EHD4: variants seen among roughly 807,000 people sequenced by gnomAD.
The protein encoded by EHD4 is EH domain containing 4.
EHD4 carries 37 observed loss-of-function variants against 51.0 expected under a neutral mutation model. The ratio of observed to expected loss-of-function variants is 0.73; its 90% CI spans 0.56 to 0.95. The LOEUF (loss-of-function observed/expected upper bound fraction) is 0.95. Ranked by LOEUF, EHD4 falls within the 40% of genes least tolerant of loss-of-function variation. The pLI is 0.00. For synonymous variants in EHD4, 297 were observed against 317.3 expected (o/e 0.94, Z 0.68); for missense variants, 632 against 733.1 (o/e 0.86, Z 1.59).
At chr15:41,941,157 T>C (rs1400811363) in intron 3 of EHD4, among the ~76,000 whole-genome samples, 1 of 152,032 alleles carries the variant, frequency 6.6e-6, no homozygotes, top group Admixed American at 6.5e-5. Context: ...AAGACACACA[T>C]AAAAAGACGA....
intron 2 of EHD4, among the ~76,000 whole-genome samples, chr15:41,949,377 T>A (rs1648853): frequency 0.17 from 26,472 of 151,436 alleles, 3,044 homozygotes; most frequent in African/African-American, 0.32. Context: ...CTCAAAAAAA[T>A]AATAATAATA....
At chr15:41,960,664 A>G (rs1357804409) in intron 1 of EHD4, among the ~76,000 whole-genome samples, 1 of 149,688 alleles carries the variant, frequency 6.7e-6, no homozygotes, top group Non-Finnish European at 1.5e-5. Flanking sequence ...GCTGATCTTC[A>G]CTTACATTTT....
chr15:41,948,998 C>G (rs1309179873), intron 2 of EHD4, among the ~76,000 whole-genome samples: 1 of 133,478 alleles, frequency 7.5e-6, no homozygotes. Flanking sequence ...GCGCTCCAGC[C>G]TGGGCAACAG....
intron 2 of EHD4, among the ~76,000 whole-genome samples, chr15:41,949,057 C>CAT (rs2067835788): frequency 9.1e-6 from 1 of 109,406 alleles, no homozygotes; most frequent in Admixed American, 9.7e-5. Context: ...TATATACACA[C>CAT]ATACACACAC....
At chr15:41,945,460 C>T (rs1218754237) in intron 2 of EHD4, among the ~76,000 whole-genome samples, 2 of 152,160 alleles carry the variant, frequency 1.3e-5, no homozygotes, top group Admixed American at 6.5e-5. Flanking sequence ...GCGGGCAAAG[C>T]GAGGAGCCCA....
chr15:41,918,644 G>A lies in EHD4; in HGVS notation c.924+566C>T, dbSNP rs73410612. The stretch of plus-strand genomic sequence containing the variant: ...AGGAGCCCAGGCATGCAGGCTAACA[G>A]CCCGCAGCCCAGAATGAGGATGCGG... On this transcript the variant is annotated intron_variant, in intron 4 of 5. Coordinates refer to ENST00000220325, the MANE Select transcript of EHD4 (RefSeq NM_139265.4). 2.2e-3 allele frequency among the ~76,000 whole-genome samples: 336 copies of A among 152,206 alleles called. 2 individuals are homozygous for A. The highest frequency in any genetic ancestry group is 7.6e-3 in the African/African-American group (317 of 41,542).
At chr15:41,929,602 T>C (rs2067685424) in intron 3 of EHD4, among the ~76,000 whole-genome samples, 1 of 152,242 alleles carries the variant, frequency 6.6e-6, no homozygotes, top group African/African-American at 2.4e-5. Context: ...CATGGTATTA[T>C]CAGTCATTTT....
At chr15:41,921,298 G>A (rs1200056518) in intron 3 of EHD4, 1 of 152,208 alleles carries the variant, frequency 6.6e-6, no homozygotes, top group Non-Finnish European at 1.5e-5. Context: ...GGAAGACAAA[G>A]GCAGTTCTCG....
At chr15:41,959,125 G>A (rs1221381850) in intron 1 of EHD4, among the ~76,000 whole-genome samples, 1 of 152,142 alleles carries the variant, frequency 6.6e-6, no homozygotes. Flanking sequence ...GGGCGTGGTG[G>A]CTCACGCCTG....
chr15:41,916,542 GT>G (rs2067584741), intron 4 of EHD4, among the ~76,000 whole-genome samples: 1 of 152,210 alleles, frequency 6.6e-6, no homozygotes, highest in Non-Finnish European at 1.5e-5. Flanking sequence ...CAAGAGAAAG[GT>G]TAATAAACCA....
intron 1 of EHD4, 49 bp from the exon 2 acceptor site, chr15:41,953,989 A>G: frequency 6.3e-7 from 1 of 1,592,724 alleles, no homozygotes; most frequent in Non-Finnish European, 8.5e-7. Flanking sequence ...TCACAAAGTA[A>G]GAGGCCAGAA....
In EHD4 at chr15:41,901,037, C is replaced by A. The variant is rs1012428913; in HGVS notation, c.1234G>T (p.Val412Leu). 1.2e-6 allele frequency: 2 copies of A among 1,611,854 alleles called. No individual in the cohort carries two copies. Among genetic ancestry groups the A allele is most frequent in the African/African-American group, 2.7e-5 (2 of 74,914 alleles). The change falls in exon 6 of 6, where the codon GTG (valine) becomes TTG (leucine). Residue 412 changes from valine to leucine, a missense_variant. Physicochemically the swap from Val to Leu is conservative, Grantham distance 32. Coordinates refer to ENST00000220325, the MANE Select transcript of EHD4 (RefSeq NM_139265.4). Reference sequence around the variant, plus strand: ...GTGCCATCGAAGGCGCCGCCCTGCACCAGCTGCGTGGGCGTGCTCGTCTCC... The same window carrying A: ...GTGCCATCGAAGGCGCCGCCCTGCAACAGCTGCGTGGGCGTGCTCGTCTCC... Reference protein sequence around the residue: ...QEETSTPTQLVQGGAFDGTTE... With the variant: ...QEETSTPTQLLQGGAFDGTTE...
chr15:41,958,503 C>CT (rs768316311), intron 1 of EHD4, among the ~76,000 whole-genome samples: 7 of 152,044 alleles, frequency 4.6e-5, no homozygotes, highest in Admixed American at 1.3e-4. Context: ...ATGGTGTCTT[C>CT]TTTTTTTCAT....
chr15:41,912,423 G>A (rs910981586), intron 4 of EHD4, among the ~76,000 whole-genome samples: 1 of 152,164 alleles, frequency 6.6e-6, no homozygotes, highest in African/African-American at 2.4e-5. Context: ...GGCCAGGCAC[G>A]ATGGCTCATG....
intron 2 of EHD4, among the ~76,000 whole-genome samples, chr15:41,943,652 C>T (rs1228761589): frequency 6.6e-6 from 1 of 152,234 alleles, no homozygotes; most frequent in Non-Finnish European, 1.5e-5. Context: ...TGGCTCCATG[C>T]TGGCCCCTGC....
chr15:41,935,916 T>A (rs536617335), intron 3 of EHD4, among the ~76,000 whole-genome samples: 36 of 152,308 alleles, frequency 2.4e-4, no homozygotes, highest in Middle Eastern at 3.4e-3. Context: ...GCCCCTTTAC[T>A]CACATCTCAG....
intron 2 of EHD4, 143 bp downstream of exon 2, chr15:41,953,621 T>G: frequency 1.0e-6 from 1 of 963,902 alleles, no homozygotes; most frequent in Non-Finnish European, 1.5e-6. Context: ...TTCAAATATC[T>G]TAATATGATA....
intron 3 of EHD4, among the ~76,000 whole-genome samples, chr15:41,929,586 C>T (rs1263869827): frequency 6.6e-6 from 1 of 152,188 alleles, no homozygotes; most frequent in African/African-American, 2.4e-5. Flanking sequence ...TGGAGAAAGA[C>T]AGCAACATGG....
chr15:41,942,174 C>T (rs149375626), intron 3 of EHD4: 13 of 152,382 alleles, frequency 8.5e-5, no homozygotes, highest in African/African-American at 2.6e-4. Flanking sequence ...CGTAAGTCAA[C>T]TCTGTCCTCT....
Sources: gnomAD v4.1 joint callset for allele counts (sites outside exome capture counted in the v4.1 genomes callset) on GRCh38, gnomAD v4.1.1 for gene constraint, MANE v1.5 for transcripts, NCBI Gene and HGNC (gene_info 2026-07-23, HGNC 2026-07-21) for gene names.